DNM3: variants seen among roughly 807,000 people sequenced by gnomAD.
The protein encoded by DNM3 is dynamin 3, also known as dynamin-3.
A neutral mutation model predicts 101.6 loss-of-function variants in DNM3; 47 were observed. The observed-to-expected ratio is 0.46, with a 90% CI of 0.37 to 0.59. The LOEUF is 0.59. Ranked by LOEUF, DNM3 falls within the 20% of genes least tolerant of loss-of-function variation. The pLI is 0.00. For missense variants in DNM3, 849 were observed against 1,085.7 expected (o/e 0.78, Z 3.06); for synonymous variants, 385 against 387.9 (o/e 0.99, Z 0.09).
intron 20 of DNM3, among the ~76,000 whole-genome samples, chr1:172,417,745 G>A (rs2071481191): frequency 6.6e-6 from 1 of 152,038 alleles, no homozygotes; most frequent in South Asian, 2.1e-4. Flanking sequence ...GGCATTCTCT[G>A]CATTGTGATT....
chr1:172,245,715 A>T (rs1430155623), intron 14 of DNM3, among the ~76,000 whole-genome samples: 1 of 152,200 alleles, frequency 6.6e-6, no homozygotes, highest in Non-Finnish European at 1.5e-5. Context: ...CAGAGGGCAG[A>T]CCATAAGGTT....
chr1:172,333,940 T>C lies in DNM3; in HGVS notation c.1893+10600T>C, dbSNP rs1054708053. Among the ~76,000 whole-genome samples the C allele has an allele frequency of 2.6e-5, 4 of 152,318 alleles. No homozygotes were observed. In the East Asian group the frequency reaches 7.7e-4, roughly 29 times the overall value. ...TTTTCTTCTTTGACGTAATTAGCCATTAGTCTCATAAATTTTCTCATTTTA... is the reference window on the plus strand; with the variant it reads ...TTTTCTTCTTTGACGTAATTAGCCACTAGTCTCATAAATTTTCTCATTTTA... On this transcript the variant is annotated intron_variant, in intron 17 of 20. Coordinates refer to ENST00000627582, the MANE Select transcript of DNM3 (RefSeq NM_015569.5).
intron 14 of DNM3, among the ~76,000 whole-genome samples, chr1:172,185,055 A>G (rs1329190740): frequency 1.3e-5 from 2 of 152,108 alleles, no homozygotes; most frequent in African/African-American, 4.8e-5. Flanking sequence ...GTCAACACAT[A>G]GGGGCAGCTC....
intron 1 of DNM3, among the ~76,000 whole-genome samples, chr1:171,845,646 G>C (rs866189590): frequency 1.1e-4 from 16 of 152,166 alleles, no homozygotes; most frequent in African/African-American, 3.6e-4. Flanking sequence ...CAGAAGATTT[G>C]AGGTGACCCC....
chr1:172,156,767 G>T (rs1471167040), intron 14 of DNM3, among the ~76,000 whole-genome samples: 1 of 152,064 alleles, frequency 6.6e-6, no homozygotes, highest in Non-Finnish European at 1.5e-5. Flanking sequence ...AGGATAGAAT[G>T]TATGTAAGAG....
At chr1:172,391,683 C>A (rs1210802522) in intron 20 of DNM3, among the ~76,000 whole-genome samples, 1 of 152,118 alleles carries the variant, frequency 6.6e-6, no homozygotes, top group Non-Finnish European at 1.5e-5. Context: ...TCTGGGAAAA[C>A]AACCCTTTGT....
At chr1:172,144,539 C>T in intron 14 of DNM3, 1 of 490,682 alleles carries the variant, frequency 2.0e-6, no homozygotes, top group Non-Finnish European at 4.2e-6. Context: ...TGGCGTTGCT[C>T]TCCCTTGCCC....
chr1:172,206,537 C>A (rs1049661213), intron 14 of DNM3, among the ~76,000 whole-genome samples: 19 of 150,506 alleles, frequency 1.3e-4, no homozygotes, highest in African/African-American at 4.1e-4. Flanking sequence ...CTTTTTTTTT[C>A]TTTTACTGCA....
intron 1 of DNM3, among the ~76,000 whole-genome samples, chr1:171,901,514 G>C (rs1276106458): frequency 2.0e-5 from 3 of 152,142 alleles, no homozygotes; most frequent in Non-Finnish European, 4.4e-5. Flanking sequence ...GCGTGGGTGA[G>C]GGCAGGCACA....
intron 13 of DNM3, among the ~76,000 whole-genome samples, chr1:172,105,064 C>A (rs1165628001): frequency 6.6e-6 from 1 of 152,136 alleles, no homozygotes; most frequent in Non-Finnish European, 1.5e-5. Context: ...TGTAACAACT[C>A]AGTTACTATG....
chr1:172,025,900 C>T (rs2048171473), intron 4 of DNM3, among the ~76,000 whole-genome samples: 1 of 152,086 alleles, frequency 6.6e-6, no homozygotes. Flanking sequence ...GTCTCTTCTC[C>T]TCCAAAGGAT....
intron 4 of DNM3, among the ~76,000 whole-genome samples, chr1:172,003,628 T>C (rs1485118871): frequency 6.6e-6 from 1 of 151,798 alleles, no homozygotes; most frequent in African/African-American, 2.4e-5. Context: ...CCAGGTACCT[T>C]GAATACAAGA....
At chr1:172,351,014 G>A (rs1369521339) in intron 17 of DNM3, among the ~76,000 whole-genome samples, 1 of 151,982 alleles carries the variant, frequency 6.6e-6, no homozygotes, top group East Asian at 1.9e-4. Context: ...TACCCTCCTG[G>A]GAAAGTCTGC....
At chr1:172,292,624 C>CAT (rs1553224094) in intron 15 of DNM3, among the ~76,000 whole-genome samples, 53 of 135,434 alleles carry the variant, frequency 3.9e-4, no homozygotes, top group African/African-American at 1.5e-3. Context: ...CACACACACA[C>CAT]GCGCGTGCGT....
chr1:171,917,958 C>T (rs531165942), intron 1 of DNM3, among the ~76,000 whole-genome samples: 9 of 152,244 alleles, frequency 5.9e-5, no homozygotes, highest in African/African-American at 2.2e-4. Flanking sequence ...TGGTGGTGCT[C>T]AGTGGCTAAT....
chr1:172,232,073 C>T (rs772750534), intron 14 of DNM3, among the ~76,000 whole-genome samples: 1 of 152,058 alleles, frequency 6.6e-6, no homozygotes, highest in Non-Finnish European at 1.5e-5. Flanking sequence ...CTAAATGCTC[C>T]AATTAAAAGA....
At chr1:172,021,168 A>G (rs1402122844) in intron 4 of DNM3, among the ~76,000 whole-genome samples, 1 of 152,188 alleles carries the variant, frequency 6.6e-6, no homozygotes, top group African/African-American at 2.4e-5. Flanking sequence ...ATTTAATTTT[A>G]TCTTTCATAA....
chr1:171,862,353 C>T (rs964863837), intron 1 of DNM3, among the ~76,000 whole-genome samples: 2 of 151,972 alleles, frequency 1.3e-5, no homozygotes, highest in African/African-American at 2.4e-5. Flanking sequence ...ACCAATTGAT[C>T]AATGAATAAA....
chr1:172,390,180 A>G (rs1339587992), intron 20 of DNM3, among the ~76,000 whole-genome samples: 3 of 152,248 alleles, frequency 2.0e-5, no homozygotes, highest in African/African-American at 4.8e-5. Flanking sequence ...GAATGGTGCT[A>G]AATTTCTAGT....
Sources: gnomAD v4.1 joint callset for allele counts (sites outside exome capture counted in the v4.1 genomes callset) on GRCh38, gnomAD v4.1.1 for gene constraint, MANE v1.5 for transcripts, NCBI Gene and HGNC (gene_info 2026-07-23, HGNC 2026-07-21) for gene names.